The following ROBO2 variants were observed in gnomAD, a reference collection of about 807,000 sequenced individuals.
ROBO2 encodes the protein roundabout guidance receptor 2, also known as roundabout homolog 2.
In ROBO2, 53 loss-of-function variants were observed where a neutral mutation model predicts 160.8. That is an observed-to-expected ratio of 0.33 (90% CI 0.26 to 0.41). The LOEUF (loss-of-function observed/expected upper bound fraction) is 0.41. ROBO2 is among the 10% of genes least tolerant of loss of function. The pLI, the probability that ROBO2 is intolerant of heterozygous loss-of-function variation, is 1.00. For synonymous variants in ROBO2, 664 were observed against 611.7 expected (o/e 1.09, Z -1.26); for missense variants, 1,577 against 1,722.4 (o/e 0.92, Z 1.49).
At chr3:76,949,648 G>C in intron 2 of ROBO2, among the ~76,000 whole-genome samples, 1 of 152,130 alleles carries the variant, frequency 6.6e-6, no homozygotes. Context: ...GTTTACAAAG[G>C]GTTGAATCAC....
intron 2 of ROBO2, among the ~76,000 whole-genome samples, chr3:76,868,210 T>A (rs1017801233): frequency 1.1e-4 from 16 of 152,182 alleles, no homozygotes; most frequent in Non-Finnish European, 1.9e-4. Context: ...CCTCCCTAAT[T>A]TCTGATTTTT....
intron 2 of ROBO2, among the ~76,000 whole-genome samples, chr3:76,947,513 T>G (rs1486562376): frequency 1.3e-5 from 2 of 152,214 alleles, no homozygotes; most frequent in Admixed American, 1.3e-4. Flanking sequence ...CGTTTTTTCT[T>G]AGTTAACAAT....
intron 2 of ROBO2, among the ~76,000 whole-genome samples, chr3:76,264,815 A>G (rs1706998420): frequency 6.6e-6 from 1 of 152,116 alleles, no homozygotes; most frequent in South Asian, 2.1e-4. Context: ...GAATGATTAA[A>G]GTGGCTTTTA....
At chr3:77,406,909 C>G (rs1371739826) in intron 2 of ROBO2, among the ~76,000 whole-genome samples, 2 of 152,050 alleles carry the variant, frequency 1.3e-5, no homozygotes, top group Non-Finnish European at 2.9e-5. Context: ...ACACATTGGA[C>G]CTTGCATTTC....
intron 2 of ROBO2, among the ~76,000 whole-genome samples, chr3:76,249,738 G>A (rs572671402): frequency 4.6e-5 from 7 of 152,174 alleles, no homozygotes; most frequent in East Asian, 3.9e-4. Context: ...TCCACAATGC[G>A]TTTAACTAAC....
intron 2 of ROBO2, among the ~76,000 whole-genome samples, chr3:76,391,619 A>G (rs2077157274): frequency 6.6e-6 from 1 of 151,788 alleles, no homozygotes; most frequent in East Asian, 1.9e-4. Context: ...CCTCCCAGGT[A>G]CAAGCAATTC....
intron 2 of ROBO2, among the ~76,000 whole-genome samples, chr3:76,659,886 T>C (rs941597428): frequency 2.0e-5 from 3 of 152,132 alleles, no homozygotes; most frequent in Non-Finnish European, 4.4e-5. Flanking sequence ...GAAGAAGCCA[T>C]TGTCAATATA....
chr3:77,008,488 G>A (rs376733238), intron 2 of ROBO2, among the ~76,000 whole-genome samples: 4 of 152,250 alleles, frequency 2.6e-5, no homozygotes, highest in African/African-American at 9.6e-5. Context: ...ATCACAGATA[G>A]GTGAGATGAG....
intron 2 of ROBO2, among the ~76,000 whole-genome samples, chr3:76,295,739 C>T (rs1358374652): frequency 4.6e-5 from 7 of 152,182 alleles, no homozygotes; most frequent in African/African-American, 1.7e-4. Context: ...CTAAATTTAC[C>T]ACTTAAGTGG....
chr3:77,101,459 C>T (rs1445980963), intron 2 of ROBO2, among the ~76,000 whole-genome samples: 1 of 152,068 alleles, frequency 6.6e-6, no homozygotes, highest in African/African-American at 2.4e-5. Context: ...TAAAATATCT[C>T]AAGTTTCATT....
chr3:77,307,849 T>C (rs551823241), intron 2 of ROBO2, among the ~76,000 whole-genome samples: 3 of 152,094 alleles, frequency 2.0e-5, no homozygotes, highest in South Asian at 4.2e-4. Flanking sequence ...CACCAGCTAC[T>C]CAGGAGGCCA....
rs1195387859 is a variant in ROBO2, at chr3:76,488,045, C to CA, written c.109+550444dup. Among the ~76,000 whole-genome samples, 42 of 152,308 alleles carry CA rather than the reference C, an allele frequency of 2.8e-4. 1 individual carries two copies. The highest frequency in any genetic ancestry group is 3.9e-4 in the Admixed American group (6 of 15,288). ...ACTCACACTTAAGGAGAGAGGATTA[C>CA]ACAACCATATAAACACGGGGAGTCA... On this transcript the variant is annotated intron_variant, in intron 2 of 26. Transcript: ENST00000487694.
chr3:76,978,405 CAGA>C (rs2059913881), intron 2 of ROBO2, among the ~76,000 whole-genome samples: 1 of 151,978 alleles, frequency 6.6e-6, no homozygotes, highest in South Asian at 2.1e-4. Flanking sequence ...TTTATTTGCG[CAGA>C]AGAAAGAATA....
At chr3:76,515,901 C>T (rs1336578040) in intron 2 of ROBO2, among the ~76,000 whole-genome samples, 1 of 152,132 alleles carries the variant, frequency 6.6e-6, no homozygotes, top group Admixed American at 6.5e-5. Flanking sequence ...GTCTCATTTT[C>T]TCCCAGCTTC....
At chr3:76,067,334 C>T (rs932680407) in intron 2 of ROBO2, among the ~76,000 whole-genome samples, 6 of 152,134 alleles carry the variant, frequency 3.9e-5, no homozygotes, top group Non-Finnish European at 8.8e-5. Flanking sequence ...CAACAAATAA[C>T]AGCTATTGTG....
At chr3:76,858,555 C>CA (rs1417286154) in intron 2 of ROBO2, among the ~76,000 whole-genome samples, 1 of 152,178 alleles carries the variant, frequency 6.6e-6, no homozygotes, top group Non-Finnish European at 1.5e-5. Context: ...TGAGCCACGG[C>CA]ACCTGGTCAG....
chr3:77,163,810 C>CT (rs1173070266), intron 2 of ROBO2, among the ~76,000 whole-genome samples: 12 of 152,092 alleles, frequency 7.9e-5, no homozygotes, highest in South Asian at 2.1e-4. Flanking sequence ...CTTACTGTTA[C>CT]TTTTTTTAAA....
chr3:77,527,088 G>T (rs1344533715), intron 6 of ROBO2, among the ~76,000 whole-genome samples: 1 of 151,354 alleles, frequency 6.6e-6, no homozygotes, highest in African/African-American at 2.4e-5. Context: ...TTTTAACTTT[G>T]GGGTAACACA....
intron 24 of ROBO2, among the ~76,000 whole-genome samples, chr3:77,642,293 C>A (rs771016449): frequency 2.0e-5 from 3 of 152,106 alleles, no homozygotes; most frequent in African/African-American, 7.2e-5. Context: ...GTTAGTACAG[C>A]TTCAGGAATT....
Sources: allele counts gnomAD v4.1 joint callset (sites outside exome capture counted in the v4.1 genomes callset), GRCh38; gene constraint gnomAD v4.1.1; transcripts MANE v1.5; gene names NCBI Gene and HGNC (gene_info 2026-07-23, HGNC 2026-07-21).